Variants in FOXP2 observed in about 807,000 individuals in gnomAD.
FOXP2 encodes the protein forkhead box protein P2.
Under a neutral mutation model 115.8 loss-of-function variants are expected in FOXP2, and 12 were observed. That is an observed-to-expected ratio of 0.10 (90% CI 0.07 to 0.17). The LOEUF (loss-of-function observed/expected upper bound fraction) is 0.17, where lower values mean the gene tolerates loss of function less well. FOXP2 is among the 10% of genes least tolerant of loss of function. The probability of loss-of-function intolerance (pLI) is 1.00; values close to 1 mark genes in which losing one functional copy is unlikely to be tolerated. For synonymous variants in FOXP2, 328 were observed against 297.7 expected (o/e 1.10, Z -1.05); for missense variants, 629 against 843.5 (o/e 0.75, Z 3.15).
intron 5 of FOXP2, among the ~76,000 whole-genome samples, chr7:114,630,402 C>G (rs1283826555): frequency 6.6e-6 from 1 of 152,032 alleles, no homozygotes; most frequent in Non-Finnish European, 1.5e-5. Context: ...AAGGGAGAAA[C>G]TGGTTGAGCA....
chr7:114,575,749 G>A (rs7812028), intron 3 of FOXP2, among the ~76,000 whole-genome samples: 29,611 of 151,744 alleles, frequency 0.2, 3,735 homozygotes, highest in African/African-American at 0.36. Flanking sequence ...ATGTTGAATT[G>A]CCTCTACTTT....
At chr7:114,120,591 T>C (rs1021279586) in intron 1 of FOXP2, among the ~76,000 whole-genome samples, 18 of 151,968 alleles carry the variant, frequency 1.2e-4, no homozygotes, top group African/African-American at 3.1e-4. Context: ...CTGAGAGATA[T>C]AAAAGAGGTG....
chr7:114,645,400 T>C (rs1805833410), intron 8 of FOXP2: 1 of 151,806 alleles, frequency 6.6e-6, no homozygotes, highest in Non-Finnish European at 1.5e-5. Flanking sequence ...ATTACATGGC[T>C]TCTCTAGCTT....
chr7:114,221,469 A>G (rs1051443430), intron 1 of FOXP2, among the ~76,000 whole-genome samples: 1 of 152,250 alleles, frequency 6.6e-6, no homozygotes, highest in East Asian at 1.9e-4. Context: ...CAAAAGAGCC[A>G]AGGGAAAGAA....
chr7:114,196,581 T>C (rs1422936179), intron 1 of FOXP2, among the ~76,000 whole-genome samples: 3 of 152,234 alleles, frequency 2.0e-5, no homozygotes, highest in Non-Finnish European at 2.9e-5. Context: ...GTGTTCTTAA[T>C]AGACTGTAAT....
At chr7:114,302,387 T>C (rs1455720757) in intron 2 of FOXP2, among the ~76,000 whole-genome samples, 1 of 152,158 alleles carries the variant, frequency 6.6e-6, no homozygotes, top group African/African-American at 2.4e-5. Flanking sequence ...ATATGGAAGT[T>C]CCTAGTTGCT....
At chr7:114,137,948 A>G (rs1180281024) in intron 1 of FOXP2, among the ~76,000 whole-genome samples, 1 of 152,184 alleles carries the variant, frequency 6.6e-6, no homozygotes, top group Non-Finnish European at 1.5e-5. Context: ...TCTAATTTGA[A>G]AAAAAACAGG....
At chr7:114,199,344 G>C (rs541065757) in intron 1 of FOXP2, among the ~76,000 whole-genome samples, 6 of 152,114 alleles carry the variant, frequency 3.9e-5, no homozygotes, top group Admixed American at 3.9e-4. Context: ...AATGTATTTT[G>C]TAACCTTTCT....
intron 1 of FOXP2, among the ~76,000 whole-genome samples, chr7:114,267,151 C>T (rs1795914493): frequency 6.6e-6 from 1 of 152,070 alleles, no homozygotes; most frequent in South Asian, 2.1e-4. Flanking sequence ...TTCTATAGAG[C>T]ATGTACCCTG....
intron 10 of FOXP2, chr7:114,654,213 TGG>T: frequency 8.0e-7 from 1 of 1,256,278 alleles, no homozygotes; most frequent in Non-Finnish European, 1.1e-6. Flanking sequence ...ATCTACACCA[TGG>T]GTGACACTAA....
chr7:114,246,893 C>T lies in FOXP2; in HGVS notation c.-101-41126C>T, dbSNP rs189546629. On this transcript the variant is annotated intron_variant, in intron 1 of 17. Coordinates refer to the FOXP2 transcript ENST00000634411. Reference sequence around the variant, plus strand: ...TAACTACACTTTCATTAAGATTCGCCAAGTCTTATTTTTTAAAAAAATTGT... The same window carrying T: ...TAACTACACTTTCATTAAGATTCGCTAAGTCTTATTTTTTAAAAAAATTGT... Among the ~76,000 whole-genome samples the T allele has an allele frequency of 4.0e-3, 609 of 152,116 alleles. 7 individuals carry two copies. Among genetic ancestry groups the T allele is most frequent in the African/African-American group, 0.014 (588 of 41,502 alleles).
intron 1 of FOXP2, among the ~76,000 whole-genome samples, chr7:114,242,729 A>G (rs1795185820): frequency 6.6e-6 from 1 of 152,190 alleles, no homozygotes; most frequent in South Asian, 2.1e-4. Flanking sequence ...TCAGAGAGAA[A>G]CAAACATCAA....
In FOXP2 at chr7:114,126,843, T is replaced by A. The variant is rs186820297; in HGVS notation, c.-246-36101T>A. Among the ~76,000 whole-genome samples the A allele has an allele frequency of 1.0e-3, 157 of 152,242 alleles. 1 individual carries two copies. Among genetic ancestry groups the A allele is most frequent in the Non-Finnish European group, 1.7e-3 (114 of 67,992 alleles). Reference sequence around the variant, plus strand: ...CCTATGTCTTTTAGATTCTCCCAATTCTCTCTCTCTGATTCCCTTCACTTT... The same window carrying A: ...CCTATGTCTTTTAGATTCTCCCAATACTCTCTCTCTGATTCCCTTCACTTT... On this transcript the variant is annotated intron_variant, in intron 1 of 19. Coordinates refer to the FOXP2 transcript ENST00000635638.
In FOXP2 at chr7:114,642,423, T is replaced by C; in HGVS notation, c.789T>C (p.Pro263=). 1 of 1,613,752 alleles carries C rather than the reference T, an allele frequency of 6.2e-7. No homozygotes were observed. The highest frequency in any genetic ancestry group is 8.5e-7 in the Non-Finnish European group (1 of 1,179,808). Residue 263 remains proline (P), a synonymous_variant, in exon 7 of 17, where the codon CCT becomes CCC. Transcript: ENST00000350908. ...TTCATTTTATAGCTGGCTTAAGTCC[T>C]GCTGAGATTCAGCAGTTATGGAAAG... ...VQSLPQAGLS[P]AEIQQLWKEV...
In FOXP2 at chr7:114,693,690, A is replaced by G. The variant is rs1808791989; in HGVS notation, c.*3764A>G. 1 of 362,956 alleles carries G rather than the reference A, an allele frequency of 2.8e-6. No individual in the cohort carries two copies. Among genetic ancestry groups the G allele is most frequent in the South Asian group, 2.2e-5 (1 of 46,456 alleles). 22.5% of individuals were successfully genotyped at this position (362,956 alleles called of 1,614,324 possible). ...TGTGTCACTGCTGTTGGATGTAAAA[A>G]TGTATATGAAACCATTTCATTCACT... On this transcript the variant is annotated 3_prime_UTR_variant, in exon 17 of 17. Coordinates refer to ENST00000350908, the MANE Select transcript of FOXP2 (RefSeq NM_014491.4).
chr7:114,589,601 A>C (rs1249771657), intron 3 of FOXP2, among the ~76,000 whole-genome samples: 1 of 152,176 alleles, frequency 6.6e-6, no homozygotes, highest in African/African-American at 2.4e-5. Flanking sequence ...TTAGACTAAT[A>C]ATGCACTTCT....
chr7:114,100,703 C>T (rs538203993), intron 1 of FOXP2, among the ~76,000 whole-genome samples: 1 of 152,118 alleles, frequency 6.6e-6, no homozygotes, highest in South Asian at 2.1e-4. Flanking sequence ...GAGCCTTTTT[C>T]ATTTCTAGTA....
At chr7:114,109,244 G>C (rs1584483762) in intron 1 of FOXP2, among the ~76,000 whole-genome samples, 8 of 152,116 alleles carry the variant, frequency 5.3e-5, no homozygotes, top group Middle Eastern at 3.4e-3. Flanking sequence ...TGATAACATA[G>C]TTTGGATTCA....
intron 1 of FOXP2, among the ~76,000 whole-genome samples, chr7:114,198,775 AC>A (rs756644820): frequency 1.8e-4 from 27 of 152,194 alleles, no homozygotes; most frequent in Admixed American, 1.3e-4. Flanking sequence ...GAGAAACACA[AC>A]CAACAGAGAA....
Sources: allele counts gnomAD v4.1 joint callset (sites outside exome capture counted in the v4.1 genomes callset), GRCh38; gene constraint gnomAD v4.1.1; transcripts MANE v1.5; gene names NCBI Gene and HGNC (gene_info 2026-07-23, HGNC 2026-07-21).